The following TEKT4 variants were observed in gnomAD, a reference collection of about 807,000 sequenced individuals.
TEKT4 encodes the protein tektin-4.
Under a neutral mutation model 46.0 loss-of-function variants are expected in TEKT4, and 46 were observed. The ratio of observed to expected loss-of-function variants is 1.00; its 90% CI spans 0.79 to 1.28. The LOEUF is 1.28. TEKT4 is among the 50% of genes most tolerant of loss of function. The probability of loss-of-function intolerance (pLI) is 0.00; values close to 1 mark genes in which losing one functional copy is unlikely to be tolerated. For synonymous variants in TEKT4, 325 were observed against 265.8 expected, an observed-to-expected ratio of 1.22 and a Z score of -2.17; for missense variants, 790 against 622.9, an observed-to-expected ratio of 1.27 and a Z score of -2.85.
rs782042158 is a variant in TEKT4, at chr2:94,874,911, C to A, written c.849C>A (p.Leu283=). The change falls in exon 4 of 6, where the codon CTC becomes CTA. Residue 283 remains leucine, a synonymous_variant. Transcript: ENST00000295201. The part of the protein sequence containing the change: ...ILRDTSEDLR[L]QCDAVNLAFG... The stretch of plus-strand genomic sequence containing the variant: ...GCGACACCTCCGAGGACCTGCGGCT[C>A]CAGTGCGACGCCGTGAACCTGGCCT... 1 of 1,612,166 alleles carries A rather than the reference C, an allele frequency of 6.2e-7. No individual in the cohort carries two copies. The highest frequency in any genetic ancestry group is 1.1e-5 in the South Asian group (1 of 90,686).
In TEKT4 at chr2:94,874,980, G is replaced by A. The variant is rs782799714; in HGVS notation, c.918G>A (p.Leu306=). The change falls in exon 4 of 6, where the codon CTG becomes CTA. Residue 306 remains leucine, a synonymous_variant. Transcript: ENST00000295201. ...AGCTGGAGGACGCGCGGTACAAGCT[G>A]CATCACCACCTGCACAAGGTGGGGC... ...CEELEDARYK[L]HHHLHKTLRE... 6 of 1,607,030 alleles carry A rather than the reference G, an allele frequency of 3.7e-6. No homozygotes were observed. In the African/African-American group the frequency reaches 5.3e-5, roughly 14 times the overall value.
rs1269064220 is a variant in TEKT4 at position 94,876,636 on chromosome 2, ACCT to A, written c.1177_1179del (p.Leu393del). On this transcript the variant is annotated inframe_deletion, in exon 6 of 6. Transcript: ENST00000295201. ...CTAGAAGCGGAGCAGTCCCTGCGCA[ACCT>A]CGAGGACATCCACATGAGCCTGGAG... The A allele has an allele frequency of 1.9e-6, 3 of 1,613,092 alleles. No individual in the cohort carries two copies. Among genetic ancestry groups the A allele is most frequent in the Non-Finnish European group, 1.7e-6 (2 of 1,179,912 alleles).
rs782365299 is a variant in TEKT4 at position 94,876,561 on chromosome 2, G to A, written c.1100G>A (p.Ser367Asn). 19 of 1,606,776 alleles carry A rather than the reference G, an allele frequency of 1.2e-5. No homozygotes were observed. The South Asian group carries it at 1.2e-4, about 10-fold the overall frequency. The change falls in exon 6 of 6, where the codon AGT (serine) becomes AAT (asparagine). Residue 367 changes from serine to asparagine, a missense_variant. Ser to Asn is a conservative substitution (Grantham distance 46). Transcript: ENST00000295201. ...CRDAAQFRLL[S>N]EVEELNMSLT... ...CCCCCCAACACCCCCAGGCTGTTGAGTGAGGTGGAGGAGCTGAACATGTCC... is the reference window on the plus strand; with the variant it reads ...CCCCCCAACACCCCCAGGCTGTTGAATGAGGTGGAGGAGCTGAACATGTCC...
At chr2:94,872,323 G>A in intron 1 of TEKT4, 2 of 586,020 alleles carry the variant, frequency 3.4e-6, no homozygotes, top group South Asian at 4.3e-5. Flanking sequence ...TCCTGGCACA[G>A]TCATCCTGAC....
Position 94,871,786 on chromosome 2 carries a change from C to T in TEKT4, c.207C>T (p.Ser69=). 6.2e-7 allele frequency: 1 copy of T among 1,611,664 alleles called. No homozygotes were observed. Among genetic ancestry groups the T allele is most frequent in the Non-Finnish European group, 8.5e-7 (1 of 1,179,510 alleles). The change falls in exon 1 of 6, where the codon AGC becomes AGT. Residue 69 remains serine (S), a synonymous_variant. Transcript: ENST00000295201. The part of the protein sequence containing the change: ...RDQSERQRHE[S]QQLATETQAL... ...AGTCGGAGCGGCAGCGGCACGAGAG[C>T]CAGCAGCTGGCCACAGAGACCCAGG...
chr2:94,873,831 A>AC lies in TEKT4; in HGVS notation c.570-133dup, dbSNP rs1680693686. 6.8e-6 allele frequency: 9 copies of AC among 1,332,022 alleles called. No homozygotes were observed. In the South Asian group the frequency reaches 1.3e-4, roughly 19 times the overall value. 82.5% of individuals were successfully genotyped at this position (1,332,022 alleles called of 1,614,324 possible). ...CCGCAGCTCCTGGTCACTGCTGAGC[A>AC]CGAGGGCTGCCCGGGACAGGCCCAC... is the stretch of plus-strand genomic sequence containing the variant. On this transcript the variant is annotated intron_variant, in intron 2 of 5. Transcript: ENST00000295201.
intron 1 of TEKT4, chr2:94,872,763 T>G (rs1680634593): frequency 1.0e-5 from 13 of 1,251,800 alleles, no homozygotes; most frequent in South Asian, 1.3e-5. Context: ...CAAGAACCCT[T>G]GAGTCCCTCC....
rs782362123 is a variant in TEKT4, at chr2:94,871,974, CCA to C, written c.398_399del (p.Thr133ArgfsTer9). On this transcript the variant is annotated frameshift_variant, in exon 1 of 6. Transcript: ENST00000295201. LOFTEE classifies it high-confidence loss of function. ...CAACGGCTGGAGCGCGCCCTGGACGCCACAGAGGTGCCCTTCTCCATCACCAC... is the reference window on the plus strand; with the variant it reads ...CAACGGCTGGAGCGCGCCCTGGACGCCAGAGGTGCCCTTCTCCATCACCAC... 3.7e-6 allele frequency: 6 copies of C among 1,600,594 alleles called. No individual in the cohort carries two copies. In the Admixed American group the frequency reaches 5.1e-5, roughly 14 times the overall value.
chr2:94,871,878 G>T lies in TEKT4; in HGVS notation c.299G>T (p.Ser100Ile), dbSNP rs1553394636. Reference protein sequence around the residue: ...TVGERLQDTHSWKSELQREME... With the variant: ...TVGERLQDTHIWKSELQREME... ...GGCGAGCGACTGCAGGACACGCACA[G>T]CTGGAAGTCGGAGCTGCAGCGTGAG... The change falls in exon 1 of 6, where the codon AGC becomes ATC. Residue 100 changes from serine (S) to isoleucine (I), a missense_variant. Ser to Ile is a moderately radical substitution (Grantham distance 142, BLOSUM62 -2). Transcript: ENST00000295201. 2 of 1,597,886 alleles carry T rather than the reference G, an allele frequency of 1.3e-6. No homozygotes were observed. The highest frequency in any genetic ancestry group is 1.7e-6 in the Non-Finnish European group (2 of 1,175,502).
Position 94,871,716 on chromosome 2 carries a change from A to G in TEKT4, c.137A>G (p.Gln46Arg), listed in dbSNP as rs139961355. The change falls in exon 1 of 6, where the codon CAG becomes CGG. Residue 46 changes from glutamine (Q) to arginine (R), a missense_variant. Transcript: ENST00000295201. ...AAGTACCTGCTGGAGGAGTGGTTCC[A>G]GAACTGCTATGCTCGCTACCACCAG... ...TSKYLLEEWF[Q>R]NCYARYHQAF... is the part of the protein sequence containing the mutation. 4.3e-6 allele frequency: 7 copies of G among 1,612,494 alleles called. No individual in the cohort carries two copies. In the African/African-American group the frequency reaches 5.3e-5, roughly 12 times the overall value.
At chr2:94,874,202 C>G (rs1680718095) in intron 3 of TEKT4, 94 bp downstream of exon 3, 2 of 1,439,430 alleles carry the variant, frequency 1.4e-6, no homozygotes, top group East Asian at 2.3e-5. Flanking sequence ...CCAGCCTGGC[C>G]CGGAGGCCCT....
At chr2:94,875,861 G>A (rs1680826542) in intron 5 of TEKT4, 119 bp downstream of exon 5, 7 of 1,006,336 alleles carry the variant, frequency 7.0e-6, no homozygotes, top group Middle Eastern at 2.9e-4. Flanking sequence ...TGAGAGGGGA[G>A]GGAGACTTTG....
In TEKT4 at chr2:94,874,063, G is replaced by A. The variant is rs1553395578; in HGVS notation, c.668G>A (p.Ser223Asn). 6.2e-7 allele frequency: 1 copy of A among 1,613,550 alleles called. No individual in the cohort carries two copies. Among genetic ancestry groups the A allele is most frequent in the Non-Finnish European group, 8.5e-7 (1 of 1,179,940 alleles). The change falls in exon 3 of 6, where the codon AGC becomes AAC. Residue 223 changes from serine (S) to asparagine (N), a missense_variant. By Grantham distance (46) the Ser-to-Asn change is conservative. Transcript: ENST00000295201. ...DETCGRHHSQSTEVQAHPYST... is the reference protein window; with the variant it reads ...DETCGRHHSQNTEVQAHPYST... ...ACCTGCGGGCGCCACCACAGCCAGAGCACCGAGGTGCAGGCTCATCCGTAC... is the reference window on the plus strand; with the variant it reads ...ACCTGCGGGCGCCACCACAGCCAGAACACCGAGGTGCAGGCTCATCCGTAC...
chr2:94,871,484 G>A lies in TEKT4; in HGVS notation c.-96G>A. ...GAGCCGCGTCCTGCTCTGGGACTGA[G>A]CCGTTGGAGCTGCCCCGCTGACCGC... On this transcript the variant is annotated 5_prime_UTR_variant, in exon 1 of 6. Coordinates refer to ENST00000295201, the MANE Select transcript of TEKT4 (RefSeq NM_144705.4). 1 of 1,420,176 alleles carries A rather than the reference G, an allele frequency of 7.0e-7. No homozygotes were observed. Among genetic ancestry groups the A allele is most frequent in the Non-Finnish European group, 9.3e-7 (1 of 1,078,788 alleles). 88.0% of individuals were successfully genotyped at this position (1,420,176 alleles called of 1,614,324 possible).
At position 94,874,998 on chromosome 2, in the gene TEKT4, G is replaced by C. The variant is rs1411035808; in HGVS notation, c.936G>C (p.Lys312Asn). The C allele has an allele frequency of 6.3e-7, 1 of 1,598,056 alleles. No homozygotes were observed. Among genetic ancestry groups the C allele is most frequent in the Admixed American group, 1.7e-5 (1 of 58,690 alleles). ...ACAAGCTGCATCACCACCTGCACAAGGTGGGGCACCCTGAACCCCGAAGAC... is the reference window on the plus strand; with the variant it reads ...ACAAGCTGCATCACCACCTGCACAACGTGGGGCACCCTGAACCCCGAAGAC... The part of the protein sequence containing the change: ...ARYKLHHHLH[K>N]TLREITDQEH... Residue 312 changes from lysine (K) to asparagine (N), a missense_variant and splice_region_variant, in exon 4 of 6, where the codon AAG (lysine) becomes AAC (asparagine). Physicochemically the swap from Lys to Asn is moderately conservative, Grantham distance 94. Transcript: ENST00000295201.
intron 1 of TEKT4, 43 bp downstream of exon 1, chr2:94,872,120 G>C: frequency 6.8e-7 from 1 of 1,477,284 alleles, no homozygotes; most frequent in Non-Finnish European, 8.9e-7. Context: ...GGCGCAGAGA[G>C]GAGGAGCCCC....
Position 94,876,770 on chromosome 2 carries a change from G to A in TEKT4, c.*1G>A. 6.2e-7 allele frequency: 1 copy of A among 1,604,208 alleles called. No homozygotes were observed. The highest frequency in any genetic ancestry group is 2.2e-5 in the East Asian group (1 of 44,856). ...CCTGCAGCTGGCTGGCTACCAGTGA[G>A]CAGCGGCACGGTGCTTCCCCCCAGT... On this transcript the variant is annotated 3_prime_UTR_variant, in exon 6 of 6. Transcript: ENST00000295201.
rs1553394458 is a variant in TEKT4, at chr2:94,871,657, C to T, written c.78C>T (p.Ser26=). ...DVARNTGAYT[S]SGLATASFRT... Reference sequence around the variant, plus strand: ...CCCGTAACACGGGCGCCTACACGTCCTCCGGCCTGGCCACCGCCAGCTTCC... The same window carrying T: ...CCCGTAACACGGGCGCCTACACGTCTTCCGGCCTGGCCACCGCCAGCTTCC... Residue 26 remains serine (S), a synonymous_variant, in exon 1 of 6, where the codon TCC becomes TCT. Coordinates refer to ENST00000295201, the MANE Select transcript of TEKT4 (RefSeq NM_144705.4). 8 of 1,612,468 alleles carry T rather than the reference C, an allele frequency of 5.0e-6. No individual in the cohort carries two copies. In the South Asian group the frequency reaches 6.6e-5, roughly 13 times the overall value.
In TEKT4 at chr2:94,873,805, G is replaced by A. The variant is rs1446874650; in HGVS notation, c.570-160G>A. 1.5e-4 allele frequency among the ~76,000 whole-genome samples: 23 copies of A among 152,256 alleles called. No individual in the cohort carries two copies. The East Asian group carries it at 4.5e-3, about 29-fold the overall frequency. ...TCTGATCTGCAGCCTCCCAGCCTGG[G>A]CCGCAGCTCCTGGTCACTGCTGAGC... On this transcript the variant is annotated intron_variant, in intron 2 of 5. Transcript: ENST00000295201.
Sources: allele counts gnomAD v4.1 joint callset (sites outside exome capture counted in the v4.1 genomes callset), GRCh38; gene constraint gnomAD v4.1.1; transcripts MANE v1.5; gene names NCBI Gene and HGNC (gene_info 2026-07-23, HGNC 2026-07-21).